The following TRMT11 variants were observed in gnomAD, a reference collection of about 807,000 sequenced individuals.
TRMT11 encodes the protein tRNA methyltransferase 11.
A neutral mutation model predicts 62.8 loss-of-function variants in TRMT11; 53 were observed. The ratio of observed to expected loss-of-function variants is 0.84; its 90% CI spans 0.68 to 1.06. TRMT11 has a LOEUF of 1.06. Ranked by LOEUF, TRMT11 falls within the 50% of genes least tolerant of loss-of-function variation. The pLI is 0.00. For synonymous variants in TRMT11, 188 were observed against 190.3 expected (o/e 0.99, Z 0.10); for missense variants, 556 against 553.4 (o/e 1.00, Z -0.05).
At chr6:126,011,569 G>A in intron 9 of TRMT11, 152 bp downstream of exon 9, 2 of 651,902 alleles carry the variant, frequency 3.1e-6, no homozygotes, top group Non-Finnish European at 5.1e-6. Flanking sequence ...TAAGGAGAAA[G>A]TTATGAAGGT....
intron 12 of TRMT11, among the ~76,000 whole-genome samples, chr6:126,027,632 A>T (rs1478002788): frequency 6.6e-6 from 1 of 152,078 alleles, no homozygotes; most frequent in Admixed American, 6.5e-5. Flanking sequence ...TGTATAAATC[A>T]GTTGTCTTTT....
the TRMT11 span, among the ~76,000 whole-genome samples, chr6:126,269,001 C>T: frequency 6.6e-6 from 1 of 151,920 alleles, no homozygotes; most frequent in South Asian, 2.1e-4. Context: ...GTGGCTCACG[C>T]CTGTAATCCC....
chr6:126,223,423 AAAAACAAAACAAAACAAAAC>A, the TRMT11 span, among the ~76,000 whole-genome samples: 14 of 148,836 alleles, frequency 9.4e-5, no homozygotes, highest in South Asian at 8.5e-4. Flanking sequence ...TCCGTCTCGA[AAAAACAAAACAAAACAAAAC>A]AAAACAAAAC....
chr6:126,046,355 C>T (rs550838697), intron 16 of TRMT11, among the ~76,000 whole-genome samples: 23 of 152,278 alleles, frequency 1.5e-4, no homozygotes, highest in Non-Finnish European at 2.9e-4. Flanking sequence ...AAAACATTGT[C>T]GGATTTTGCT....
At position 126,151,939 on chromosome 6, in the gene TRMT11, C is replaced by CTT. The variant is rs1562334985; in HGVS notation, c.*1824-22884_*1824-22883dup. On this transcript the variant is annotated intron_variant and NMD_transcript_variant, in intron 21 of 22. Coordinates refer to the TRMT11 transcript ENST00000648977. ...TCTTTCTTTCTTTCTTTCTTTCTTT[C>CTT]TTTCTTTTCTTTCTTTCTTTTCTTT... 9.0e-4 allele frequency among the ~76,000 whole-genome samples: 78 copies of CTT among 87,132 alleles called. 5 individuals are homozygous for CTT. Among genetic ancestry groups the CTT allele is most frequent in the African/African-American group, 4.1e-3 (76 of 18,354 alleles). 57.2% of individuals were successfully genotyped at this position (87,132 alleles called of 152,430 possible). A position where few individuals can be genotyped will look rare whatever the true frequency, so the allele number is the denominator to read the frequency against.
chr6:126,261,873 C>T, the TRMT11 span, among the ~76,000 whole-genome samples: 4 of 152,152 alleles, frequency 2.6e-5, no homozygotes, highest in Middle Eastern at 3.2e-3. Flanking sequence ...GAGTTCATTA[C>T]TGGGATAGCT....
intron 12 of TRMT11, among the ~76,000 whole-genome samples, chr6:126,021,757 T>C (rs1012521432): frequency 2.6e-5 from 4 of 152,238 alleles, no homozygotes; most frequent in Admixed American, 2.0e-4. Flanking sequence ...ACAAAATTCT[T>C]ACTCTCTTAC....
chr6:126,247,300 A>G, the TRMT11 span, among the ~76,000 whole-genome samples: 1 of 152,150 alleles, frequency 6.6e-6, no homozygotes, highest in Admixed American at 6.6e-5. Context: ...ATTGGCAAAT[A>G]TCATAACAGA....
At chr6:126,208,415 A>G (rs1481407412), downstream of TRMT11, among the ~76,000 whole-genome samples, 5 of 152,208 alleles carry the variant, frequency 3.3e-5, no homozygotes, top group Non-Finnish European at 7.3e-5. Flanking sequence ...TTCCACTTCC[A>G]ATTGAGTTAA....
intron 3 of TRMT11, 50 bp downstream of exon 3, chr6:125,996,090 A>G (rs746348822): frequency 1.6e-6 from 2 of 1,277,450 alleles, no homozygotes; most frequent in Admixed American, 3.4e-5. Flanking sequence ...ACTTCTCATA[A>G]CCACTCAATC....
At chr6:126,120,552 G>T (rs1176833826) in intron 21 of TRMT11, among the ~76,000 whole-genome samples, 1 of 152,064 alleles carries the variant, frequency 6.6e-6, no homozygotes, top group Non-Finnish European at 1.5e-5. Flanking sequence ...TTTCCCAGTG[G>T]ATAATTAAAG....
chr6:126,122,627 C>A (rs1240812165), intron 21 of TRMT11, among the ~76,000 whole-genome samples: 1 of 152,122 alleles, frequency 6.6e-6, no homozygotes, highest in East Asian at 1.9e-4. Context: ...CTGGCTGGCC[C>A]TGCTGGGCTT....
chr6:126,163,483 A>T (rs996157483), intron 21 of TRMT11, among the ~76,000 whole-genome samples: 2 of 152,200 alleles, frequency 1.3e-5, no homozygotes, highest in African/African-American at 4.8e-5. Context: ...TTTTGTATCA[A>T]TGTTCCTCAG....
intron 7 of TRMT11, among the ~76,000 whole-genome samples, chr6:126,002,919 G>T (rs1792762343): frequency 6.6e-6 from 1 of 152,008 alleles, no homozygotes; most frequent in Admixed American, 6.6e-5. Context: ...ATCATACTGT[G>T]TGTGTTGGTT....
At chr6:126,271,016 C>T in the TRMT11 span, among the ~76,000 whole-genome samples, 1 of 152,132 alleles carries the variant, frequency 6.6e-6, no homozygotes, top group South Asian at 2.1e-4. Context: ...TGGCCCCAAA[C>T]ATGTTCTCAT....
At chr6:126,240,144 G>A in the TRMT11 span, among the ~76,000 whole-genome samples, 19 of 152,202 alleles carry the variant, frequency 1.2e-4, no homozygotes, top group East Asian at 9.7e-4. Flanking sequence ...CTTCTTTGCC[G>A]TGGGTTCAAA....
At chr6:126,005,223 A>G (rs1223418087) in intron 7 of TRMT11, among the ~76,000 whole-genome samples, 1 of 152,082 alleles carries the variant, frequency 6.6e-6, no homozygotes, top group Non-Finnish European at 1.5e-5. Context: ...ATTTAATGTA[A>G]TTTGTTTAGT....
chr6:126,115,155 T>C (rs1777573326), intron 19 of TRMT11, among the ~76,000 whole-genome samples: 1 of 152,074 alleles, frequency 6.6e-6, no homozygotes, highest in South Asian at 2.1e-4. Context: ...GGGTATTAGC[T>C]GTATTTGTGC....
the TRMT11 span, among the ~76,000 whole-genome samples, chr6:126,219,304 G>A: frequency 6.6e-6 from 1 of 152,082 alleles, no homozygotes; most frequent in African/African-American, 2.4e-5. Flanking sequence ...CTCCTCCATT[G>A]TCCTTTAGAT....
Sources: gnomAD v4.1 joint callset for allele counts (sites outside exome capture counted in the v4.1 genomes callset) on GRCh38, gnomAD v4.1.1 for gene constraint, MANE v1.5 for transcripts, NCBI Gene and HGNC (gene_info 2026-07-23, HGNC 2026-07-21) for gene names.